Variants in GRM7 observed in about 807,000 individuals in gnomAD.
GRM7 encodes the protein metabotropic glutamate receptor 7.
In GRM7, 35 loss-of-function variants were observed where a neutral mutation model predicts 84.5. The ratio of observed to expected loss-of-function variants is 0.41; its 90% CI spans 0.32 to 0.55. The LOEUF (loss-of-function observed/expected upper bound fraction) is 0.55. GRM7 is among the 20% of genes least tolerant of loss of function. The pLI, the probability that GRM7 is intolerant of heterozygous loss-of-function variation, is 0.19. For missense variants in GRM7, 1,003 were observed against 1,194.6 expected (o/e 0.84, Z 2.36); for synonymous variants, 487 against 455.1 (o/e 1.07, Z -0.89).
intron 9 of GRM7, among the ~76,000 whole-genome samples, chr3:7,695,360 C>T (rs936270224): frequency 6.6e-6 from 1 of 152,194 alleles, no homozygotes; most frequent in Non-Finnish European, 1.5e-5. Context: ...AAGGCCTGGC[C>T]TTTTGTAGGC....
chr3:7,020,682 A>C (rs916483643), intron 1 of GRM7, among the ~76,000 whole-genome samples: 1 of 152,228 alleles, frequency 6.6e-6, no homozygotes, highest in East Asian at 1.9e-4. Flanking sequence ...GGTGACTACA[A>C]CACTATAAAT....
At chr3:7,225,994 C>A (rs1020538142) in intron 2 of GRM7, among the ~76,000 whole-genome samples, 4 of 152,076 alleles carry the variant, frequency 2.6e-5, no homozygotes, top group Non-Finnish European at 4.4e-5. Context: ...GAACATTAGT[C>A]CCTTTCTTTG....
chr3:7,049,901 C>G (rs1161314651), intron 1 of GRM7, among the ~76,000 whole-genome samples: 1 of 151,836 alleles, frequency 6.6e-6, no homozygotes, highest in African/African-American at 2.4e-5. Flanking sequence ...GAACTGGAAC[C>G]TAGTTTATTA....
chr3:7,064,585 C>A (rs372326815), intron 1 of GRM7, among the ~76,000 whole-genome samples: 1 of 145,672 alleles, frequency 6.9e-6, no homozygotes, highest in African/African-American at 2.5e-5. Flanking sequence ...GTTTCTTTAT[C>A]CTCTCATTGA....
intron 1 of GRM7, among the ~76,000 whole-genome samples, chr3:7,002,337 A>C (rs567118339): frequency 6.6e-6 from 1 of 152,322 alleles, no homozygotes; most frequent in East Asian, 1.9e-4. Context: ...GGATAACCGT[A>C]GGGCTTCTCT....
chr3:7,220,817 A>T (rs1470542865), intron 2 of GRM7, among the ~76,000 whole-genome samples: 1 of 152,196 alleles, frequency 6.6e-6, no homozygotes, highest in African/African-American at 2.4e-5. Context: ...AGAATTTTGC[A>T]GCTTGGTACG....
chr3:7,513,471 T>C (rs1425342891), intron 7 of GRM7, among the ~76,000 whole-genome samples: 1 of 152,084 alleles, frequency 6.6e-6, no homozygotes, highest in East Asian at 1.9e-4. Context: ...CTCCTCCACA[T>C]TGAAGAAGAG....
intron 1 of GRM7, among the ~76,000 whole-genome samples, chr3:7,071,288 A>G (rs1271214493): frequency 6.6e-6 from 1 of 152,106 alleles, no homozygotes; most frequent in East Asian, 1.9e-4. Context: ...AATAGGCAGC[A>G]TTTTTTGGTC....
intron 1 of GRM7, among the ~76,000 whole-genome samples, chr3:6,973,918 A>G (rs767379449): frequency 2.0e-5 from 3 of 152,194 alleles, no homozygotes; most frequent in African/African-American, 4.8e-5. Context: ...AGCTGGCATT[A>G]TCTGATAGGC....
chr3:7,322,359 A>G (rs1286435918), intron 4 of GRM7, among the ~76,000 whole-genome samples: 1 of 152,078 alleles, frequency 6.6e-6, no homozygotes, highest in Non-Finnish European at 1.5e-5. Context: ...GAGCTATCTG[A>G]TCCCCACCAC....
At chr3:7,469,101 G>C (rs1698584787) in intron 7 of GRM7, among the ~76,000 whole-genome samples, 1 of 152,160 alleles carries the variant, frequency 6.6e-6, no homozygotes, top group Non-Finnish European at 1.5e-5. Flanking sequence ...GGATAACTAG[G>C]TAAACAGACC....
intron 9 of GRM7, chr3:7,693,622 T>C (rs1332812280): frequency 1.3e-6 from 2 of 1,507,608 alleles, no homozygotes; most frequent in Non-Finnish European, 1.8e-6. Flanking sequence ...TGAGCTGTTG[T>C]TTTTATTCAG....
chr3:6,996,963 A>G (rs1694848029), intron 1 of GRM7, among the ~76,000 whole-genome samples: 1 of 152,234 alleles, frequency 6.6e-6, no homozygotes, highest in African/African-American at 2.4e-5. Flanking sequence ...CGGAATCCAG[A>G]TGAAATGCTT....
chr3:7,627,088 A>C (rs1697651181), intron 8 of GRM7, among the ~76,000 whole-genome samples: 1 of 152,174 alleles, frequency 6.6e-6, no homozygotes, highest in Non-Finnish European at 1.5e-5. Flanking sequence ...TTCCACATCT[A>C]TACATTGGAA....
At chr3:7,618,300 T>C (rs1352951835) in intron 8 of GRM7, among the ~76,000 whole-genome samples, 1 of 152,146 alleles carries the variant, frequency 6.6e-6, no homozygotes, top group Admixed American at 6.6e-5. Context: ...GATCATTAAA[T>C]TAGTTAATAT....
chr3:7,015,036 C>G (rs1235787752), intron 1 of GRM7, among the ~76,000 whole-genome samples: 1 of 152,104 alleles, frequency 6.6e-6, no homozygotes, highest in Non-Finnish European at 1.5e-5. Context: ...ATGGACCGAT[C>G]AGCACTCAGT....
chr3:7,558,549 T>C (rs1218197002), intron 7 of GRM7, among the ~76,000 whole-genome samples: 1 of 152,076 alleles, frequency 6.6e-6, no homozygotes, highest in African/African-American at 2.4e-5. Context: ...ATAATAATGG[T>C]TCATTATTAT....
chr3:7,223,585 A>C (rs537866235), intron 2 of GRM7, among the ~76,000 whole-genome samples: 27 of 152,160 alleles, frequency 1.8e-4, no homozygotes, highest in African/African-American at 6.5e-4. Flanking sequence ...TTTTTATAGA[A>C]ATGTTTTATA....
intron 7 of GRM7, among the ~76,000 whole-genome samples, chr3:7,466,233 T>C (rs1451163230): frequency 6.6e-6 from 1 of 152,136 alleles, no homozygotes. Flanking sequence ...GGCAGATCCA[T>C]GCACCCCAAG....
Sources: gnomAD v4.1 joint callset for allele counts (sites outside exome capture counted in the v4.1 genomes callset) on GRCh38, gnomAD v4.1.1 for gene constraint, MANE v1.5 for transcripts, NCBI Gene and HGNC (gene_info 2026-07-23, HGNC 2026-07-21) for gene names.